WWOX: variants seen among roughly 807,000 people sequenced by gnomAD.
WWOX encodes the protein WW domain containing oxidoreductase, also known as WW domain-containing oxidoreductase.
In WWOX, 69 loss-of-function variants were observed where a neutral mutation model predicts 46.2. The ratio of observed to expected loss-of-function variants is 1.49; its 90% CI spans 1.23 to 1.82. The LOEUF is 1.82. Among genes scored for constraint, WWOX ranks in the 40% most tolerant of loss-of-function variants. The pLI, the probability that WWOX is intolerant of heterozygous loss-of-function variation, is 0.00. For synonymous variants in WWOX, 359 were observed against 202.6 expected (o/e 1.77, Z -6.56); for missense variants, 919 against 542.6 (o/e 1.69, Z -6.89).
chr16:78,417,095 G>A (rs1041552720), intron 6 of WWOX, among the ~76,000 whole-genome samples: 2 of 148,938 alleles, frequency 1.3e-5, no homozygotes, highest in African/African-American at 5.2e-5. Context: ...GAGACAGGGT[G>A]TTGCTCTTCC....
At chr16:78,815,037 C>T (rs1262782199) in intron 8 of WWOX, among the ~76,000 whole-genome samples, 3 of 152,154 alleles carry the variant, frequency 2.0e-5, no homozygotes, top group East Asian at 1.9e-4. Flanking sequence ...TAGAAGGTTT[C>T]GTCCAGGCCG....
Position 78,297,841 on chromosome 16 carries a change from G to A in WWOX, c.517-89019G>A, listed in dbSNP as rs146801804. 7.9e-5 allele frequency among the ~76,000 whole-genome samples: 12 copies of A among 152,260 alleles called. No homozygotes were observed. The East Asian group carries it at 2.3e-3, about 29-fold the overall frequency. On this transcript the variant is annotated intron_variant, in intron 5 of 8. Transcript: ENST00000566780. Reference sequence around the variant, plus strand: ...ACAAGGAAACTGTGCAGGAGTTCCAGGGAAGGTGCCATTTTTCCATATGGA... The same window carrying A: ...ACAAGGAAACTGTGCAGGAGTTCCAAGGAAGGTGCCATTTTTCCATATGGA...
chr16:78,247,033 T>G (rs1366154512), intron 5 of WWOX, among the ~76,000 whole-genome samples: 2 of 152,174 alleles, frequency 1.3e-5, no homozygotes, highest in African/African-American at 4.8e-5. Context: ...GGCACATCTT[T>G]CCTTGAAAGA....
chr16:78,277,498 C>A lies in WWOX; in HGVS notation c.517-109362C>A, dbSNP rs116533071. ...ACATCACAGAATTCCTTGCCTGGGACAAATAGAGGGAATATTAACATAGCA... is the reference window on the plus strand; with the variant it reads ...ACATCACAGAATTCCTTGCCTGGGAAAAATAGAGGGAATATTAACATAGCA... On this transcript the variant is annotated intron_variant, in intron 5 of 8. Transcript: ENST00000566780. Among the ~76,000 whole-genome samples the A allele has an allele frequency of 2.4e-3, 354 of 149,440 alleles. 2 individuals are homozygous for A. The highest frequency in any genetic ancestry group is 8.2e-3 in the African/African-American group (333 of 40,650).
At chr16:78,111,368 C>T (rs1390625282) in intron 3 of WWOX, among the ~76,000 whole-genome samples, 1 of 152,160 alleles carries the variant, frequency 6.6e-6, no homozygotes, top group Admixed American at 6.5e-5. Flanking sequence ...TTTAATATTA[C>T]TCTTTGTGGC....
chr16:78,533,033 G>T (rs1287568069), intron 8 of WWOX, among the ~76,000 whole-genome samples: 3 of 152,198 alleles, frequency 2.0e-5, no homozygotes, highest in East Asian at 1.9e-4. Context: ...CGTCAGTAGA[G>T]GTCCTGATGA....
intron 5 of WWOX, among the ~76,000 whole-genome samples, chr16:78,257,906 G>C (rs114911127): frequency 1.4e-5 from 2 of 143,260 alleles, no homozygotes; most frequent in South Asian, 2.4e-4. Context: ...CAGGAACTGA[G>C]TATGTTTCCA....
At chr16:78,805,996 A>G (rs1045006336) in intron 8 of WWOX, among the ~76,000 whole-genome samples, 3 of 152,228 alleles carry the variant, frequency 2.0e-5, no homozygotes, top group Non-Finnish European at 4.4e-5. Context: ...TCTTAAGACA[A>G]GAAATCTTTC....
intron 8 of WWOX, among the ~76,000 whole-genome samples, chr16:79,093,559 A>C (rs572485976): frequency 6.6e-6 from 1 of 152,232 alleles, no homozygotes; most frequent in East Asian, 1.9e-4. Context: ...CACCACCCGC[A>C]GCAGGCAGTG....
intron 8 of WWOX, among the ~76,000 whole-genome samples, chr16:79,077,003 A>G (rs911552399): frequency 2.6e-5 from 4 of 152,158 alleles, no homozygotes; most frequent in Admixed American, 6.5e-5. Flanking sequence ...ACTGTATGAA[A>G]TGACTGTTTT....
chr16:78,182,673 C>T (rs1567616651), intron 5 of WWOX, among the ~76,000 whole-genome samples: 3 of 152,118 alleles, frequency 2.0e-5, no homozygotes, highest in South Asian at 2.1e-4. Context: ...AAGGTTCTCA[C>T]TGGGTGTGGT....
intron 8 of WWOX, among the ~76,000 whole-genome samples, chr16:78,577,717 G>A (rs539480520): frequency 7.8e-4 from 119 of 152,330 alleles, no homozygotes; most frequent in African/African-American, 2.8e-3. Context: ...GAGACAGTGT[G>A]TTGACACTCT....
intron 5 of WWOX, among the ~76,000 whole-genome samples, chr16:78,286,535 T>C (rs942788336): frequency 1.3e-5 from 2 of 152,178 alleles, no homozygotes; most frequent in Non-Finnish European, 2.9e-5. Flanking sequence ...ATACATGATG[T>C]CTTCGTTTGT....
At chr16:78,457,037 T>C (rs2083835650) in intron 8 of WWOX, among the ~76,000 whole-genome samples, 2 of 152,244 alleles carry the variant, frequency 1.3e-5, no homozygotes, top group African/African-American at 4.8e-5. Flanking sequence ...TAATTTGATG[T>C]TGAAATGTCA....
At chr16:78,742,863 G>T (rs140461483) in intron 8 of WWOX, among the ~76,000 whole-genome samples, 2 of 152,108 alleles carry the variant, frequency 1.3e-5, no homozygotes, top group African/African-American at 4.8e-5. Context: ...GGTCAGAGCC[G>T]GGGGCTTCCC....
chr16:78,853,571 A>C (rs759257800), intron 8 of WWOX, among the ~76,000 whole-genome samples: 1 of 152,200 alleles, frequency 6.6e-6, no homozygotes, highest in Admixed American at 6.5e-5. Context: ...CTTCTTGACC[A>C]TGAGGCAGAA....
chr16:78,107,964 C>T (rs1338328360), intron 1 of WWOX, among the ~76,000 whole-genome samples: 2 of 152,042 alleles, frequency 1.3e-5, no homozygotes, highest in African/African-American at 4.8e-5. Flanking sequence ...GAGTCTTGCT[C>T]TGTCGCCAGG....
Position 78,645,974 on chromosome 16 carries a change from C to G in WWOX, c.1056+213222C>G, listed in dbSNP as rs570683922. Among the ~76,000 whole-genome samples, 41 of 152,270 alleles carry G rather than the reference C, an allele frequency of 2.7e-4. No individual in the cohort carries two copies. In the South Asian group the frequency reaches 8.3e-3, roughly 31 times the overall value. On this transcript the variant is annotated intron_variant, in intron 8 of 8. Transcript: ENST00000566780. ...AGCGTCTTCAATTCTGTCCCTGGCT[C>G]TGCTCCTTCTCTCCCCCTCCTCTCC... is the stretch of plus-strand genomic sequence containing the variant.
intron 5 of WWOX, among the ~76,000 whole-genome samples, chr16:78,165,238 C>T (rs888581241): frequency 6.6e-6 from 1 of 152,144 alleles, no homozygotes; most frequent in Non-Finnish European, 1.5e-5. Context: ...AGAATGAAGT[C>T]CAGACTGCAT....
Sources: allele counts gnomAD v4.1 joint callset (sites outside exome capture counted in the v4.1 genomes callset), GRCh38; gene constraint gnomAD v4.1.1; transcripts MANE v1.5; gene names NCBI Gene and HGNC (gene_info 2026-07-23, HGNC 2026-07-21).